Variants in NHEJ1 observed in about 807,000 individuals in gnomAD.
NHEJ1 encodes non-homologous end-joining factor 1.
A neutral mutation model predicts 39.4 loss-of-function variants in NHEJ1; 22 were observed. The observed-to-expected ratio is 0.56, with a 90% CI of 0.40 to 0.80. NHEJ1 has a LOEUF of 0.80. Ranked by LOEUF, NHEJ1 falls within the 30% of genes least tolerant of loss-of-function variation. The pLI, the probability that NHEJ1 is intolerant of heterozygous loss-of-function variation, is 0.00. For synonymous variants in NHEJ1, 154 were observed against 135.6 expected (o/e 1.14, Z -0.94); for missense variants, 329 against 357.1 (o/e 0.92, Z 0.63).
At chr2:219,156,759 G>C (rs1016685714) in intron 3 of NHEJ1, among the ~76,000 whole-genome samples, 5 of 152,224 alleles carry the variant, frequency 3.3e-5, no homozygotes, top group African/African-American at 1.2e-4. Flanking sequence ...ATAATGTTTA[G>C]AAAGGTATCT....
intron 5 of NHEJ1, among the ~76,000 whole-genome samples, chr2:219,144,217 C>A (rs187897399): frequency 2.6e-5 from 4 of 152,250 alleles, no homozygotes; most frequent in Non-Finnish European, 5.9e-5. Context: ...GTGTCATAAT[C>A]TGTATAAAAT....
At chr2:219,132,280 T>A (rs1262968261) in intron 5 of NHEJ1, among the ~76,000 whole-genome samples, 1 of 152,196 alleles carries the variant, frequency 6.6e-6, no homozygotes, top group Admixed American at 6.5e-5. Flanking sequence ...TCTTTATATC[T>A]CAGTATGAGA....
intron 5 of NHEJ1, among the ~76,000 whole-genome samples, chr2:219,085,647 AAC>A (rs146937712): frequency 0.016 from 2,440 of 152,294 alleles, 68 homozygotes; most frequent in African/African-American, 0.055. Flanking sequence ...AAGGAAAAAG[AAC>A]ACAGAGAAAC....
intron 5 of NHEJ1, among the ~76,000 whole-genome samples, chr2:219,108,952 C>T (rs1295823872): frequency 6.6e-6 from 1 of 152,204 alleles, no homozygotes; most frequent in African/African-American, 2.4e-5. Context: ...ACATCTGAAC[C>T]CTTGTTCCCA....
chr2:219,093,488 T>C (rs1296878439), intron 5 of NHEJ1, among the ~76,000 whole-genome samples: 1 of 152,010 alleles, frequency 6.6e-6, no homozygotes, highest in African/African-American at 2.4e-5. Flanking sequence ...CAGGGGAAAA[T>C]TGAGAGGGAT....
chr2:219,073,525 C>G lies in NHEJ1; in HGVS notation c.*2856G>C, dbSNP rs1948983634. Among the ~76,000 whole-genome samples the G allele has an allele frequency of 6.6e-6, 1 of 152,176 alleles. No individual in the cohort carries two copies. The highest frequency in any genetic ancestry group is 1.5e-5 in the Non-Finnish European group (1 of 68,030). On this transcript the variant is annotated 3_prime_UTR_variant, in exon 8 of 8. Transcript: ENST00000356853. ...TCTCCAAGCAGGGAGCATGCCTGTCCTAGCTAACTATGGGGGACCAGCCGG... is the reference window on the plus strand; with the variant it reads ...TCTCCAAGCAGGGAGCATGCCTGTCGTAGCTAACTATGGGGGACCAGCCGG...
At position 219,070,019 on chromosome 2, in the gene NHEJ1, A is replaced by T. The variant is rs191951937; in HGVS notation, c.*6362T>A. Among the ~76,000 whole-genome samples the T allele has an allele frequency of 6.6e-6, 1 of 152,274 alleles. No individual in the cohort carries two copies. Among genetic ancestry groups the T allele is most frequent in the Admixed American group, 6.5e-5 (1 of 15,296 alleles). On this transcript the variant is annotated 3_prime_UTR_variant, in exon 8 of 8. Coordinates refer to ENST00000356853, the MANE Select transcript of NHEJ1 (RefSeq NM_024782.3). ...GGAATCATTAAACATGCATTAACTCAAATTATATACTTATTGACTGCACTG... is the reference window on the plus strand; with the variant it reads ...GGAATCATTAAACATGCATTAACTCTAATTATATACTTATTGACTGCACTG...
chr2:219,113,351 G>C (rs923478357), intron 5 of NHEJ1, among the ~76,000 whole-genome samples: 1 of 152,158 alleles, frequency 6.6e-6, no homozygotes, highest in African/African-American at 2.4e-5. Context: ...AAAACAAATT[G>C]AGGAGGGAGA....
intron 5 of NHEJ1, among the ~76,000 whole-genome samples, chr2:219,138,626 T>C (rs761582740): frequency 5.9e-5 from 9 of 152,224 alleles, no homozygotes; most frequent in Admixed American, 2.0e-4. Context: ...TTGTTGAGCT[T>C]ACATTCTAAC....
rs994230314 is a variant in NHEJ1, at chr2:219,071,953, C to T, written c.*4428G>A. Among the ~76,000 whole-genome samples the T allele has an allele frequency of 6.6e-6, 1 of 152,064 alleles. No individual in the cohort carries two copies. The highest frequency in any genetic ancestry group is 1.5e-5 in the Non-Finnish European group (1 of 67,976). On this transcript the variant is annotated 3_prime_UTR_variant, in exon 8 of 8. Transcript: ENST00000356853. ...TACTTGGGTGCTACCTAATGACTTC[C>T]TATGTGCTAGGATAGAGAACTGAGA...
chr2:219,094,920 C>T (rs555508748), intron 5 of NHEJ1, among the ~76,000 whole-genome samples: 1 of 152,278 alleles, frequency 6.6e-6, no homozygotes, highest in Admixed American at 6.5e-5. Flanking sequence ...AATAATAAAA[C>T]ATTATCTGTC....
chr2:219,120,242 A>T (rs946250072), intron 5 of NHEJ1, among the ~76,000 whole-genome samples: 1 of 152,160 alleles, frequency 6.6e-6, no homozygotes, highest in Non-Finnish European at 1.5e-5. Flanking sequence ...AGCCCCTATT[A>T]TATGCCAGCC....
At chr2:219,090,659 A>G (rs1949152413) in intron 5 of NHEJ1, among the ~76,000 whole-genome samples, 1 of 152,172 alleles carries the variant, frequency 6.6e-6, no homozygotes, top group African/African-American at 2.4e-5. Context: ...TACTAAACAA[A>G]GCTGGATATG....
intron 5 of NHEJ1, among the ~76,000 whole-genome samples, chr2:219,106,530 G>GA (rs1223932340): frequency 1.3e-5 from 2 of 152,186 alleles, no homozygotes; most frequent in Non-Finnish European, 2.9e-5. Flanking sequence ...CCAAGCAAAA[G>GA]AGACACTGCT....
At chr2:219,144,283 C>G (rs1949715978) in intron 5 of NHEJ1, among the ~76,000 whole-genome samples, 1 of 152,096 alleles carries the variant, frequency 6.6e-6, no homozygotes, top group East Asian at 1.9e-4. Flanking sequence ...GACTTACTAC[C>G]TGTAGGCACC....
chr2:219,107,741 C>T (rs752129475), intron 5 of NHEJ1, among the ~76,000 whole-genome samples: 3 of 152,168 alleles, frequency 2.0e-5, no homozygotes, highest in Non-Finnish European at 2.9e-5. Flanking sequence ...GGGGCCTAAT[C>T]TCCCTCTAAG....
chr2:219,095,213 G>A (rs1476713035), intron 5 of NHEJ1: 6 of 446,388 alleles, frequency 1.3e-5, no homozygotes, highest in African/African-American at 4.1e-5. Context: ...AACTACCGAC[G>A]TGGCTTTTGT....
rs755856787 is a variant in NHEJ1, at chr2:219,152,785, TTATTTTTATTTATTTATTTA to T, written c.390+4667_390+4686del. ...CCCGGGATCTCTTTCATTTATTTAT[TTATTTTTATTTATTTATTTA>T]TTTATTTATTTATTTATTTTGAGAG... On this transcript the variant is annotated intron_variant, in intron 3 of 7. Coordinates refer to ENST00000356853, the MANE Select transcript of NHEJ1 (RefSeq NM_024782.3). Among the ~76,000 whole-genome samples, 1,382 of 140,106 alleles carry T rather than the reference TTATTTTTATTTATTTATTTA, an allele frequency of 9.9e-3. 18 individuals are homozygous for T. The highest frequency in any genetic ancestry group is 0.016 in the Non-Finnish European group (1,028 of 65,062). 91.9% of individuals were successfully genotyped at this position (140,106 alleles called of 152,430 possible).
rs1262656264 is a variant in NHEJ1, at chr2:219,147,732, C to T, written c.454G>A (p.Glu152Lys). The T allele has an allele frequency of 1.2e-6, 2 of 1,614,116 alleles. No individual in the cohort carries two copies. Among genetic ancestry groups the T allele is most frequent in the Non-Finnish European group, 1.7e-6 (2 of 1,179,996 alleles). ...MSLALQCQVR[E>K]LATLLHMKDL... ...TTCATATGAAGTAACGTTGCTAGCT[C>T]CCTCACTTGGCACTGTAATGCCAGA... Residue 152 changes from glutamate (E) to lysine (K), a missense_variant, in exon 4 of 8, where the codon GAG becomes AAG. Physicochemically the swap from Glu to Lys is moderately conservative, Grantham distance 56 (BLOSUM62 1). Transcript: ENST00000356853.
Sources: allele counts gnomAD v4.1 joint callset (sites outside exome capture counted in the v4.1 genomes callset), GRCh38; gene constraint gnomAD v4.1.1; transcripts MANE v1.5; gene names NCBI Gene and HGNC (gene_info 2026-07-23, HGNC 2026-07-21).